ECT2L: variants seen among roughly 807,000 people sequenced by gnomAD.
The protein encoded by ECT2L is epithelial cell transforming 2 like, also known as epithelial cell-transforming sequence 2 oncogene-like.
In ECT2L, 126 loss-of-function variants were observed where a neutral mutation model predicts 122.8. The ratio of observed to expected loss-of-function variants is 1.03; its 90% CI spans 0.89 to 1.19. The LOEUF is 1.19. Ranked by LOEUF, ECT2L falls within the 50% of genes most tolerant of loss-of-function variation. The pLI is 0.00. For missense variants in ECT2L, 1,012 were observed against 1,064.1 expected (o/e 0.95, Z 0.68); for synonymous variants, 385 against 381.8 (o/e 1.01, Z -0.10).
intron 19 of ECT2L, among the ~76,000 whole-genome samples, chr6:138,888,313 T>C (rs994164934): frequency 4.1e-4 from 50 of 122,432 alleles, no homozygotes; most frequent in Admixed American, 5.3e-4. Flanking sequence ...CTTCTTTTTC[T>C]TTTCTTTTTT....
chr6:138,845,551 G>A (rs117863358), intron 7 of ECT2L, among the ~76,000 whole-genome samples: 195 of 152,166 alleles, frequency 1.3e-3, no homozygotes, highest in Non-Finnish European at 2.2e-3. Flanking sequence ...GCCAACTTTG[G>A]ATTCTTGAGA....
intron 10 of ECT2L, among the ~76,000 whole-genome samples, chr6:138,857,066 T>C (rs1184796953): frequency 6.6e-6 from 1 of 152,120 alleles, no homozygotes; most frequent in Non-Finnish European, 1.5e-5. Context: ...GGAAGAAGCA[T>C]CCCTCTCAAA....
chr6:138,825,380 G>C (rs951207129), intron 4 of ECT2L, among the ~76,000 whole-genome samples: 2 of 152,164 alleles, frequency 1.3e-5, no homozygotes, highest in Admixed American at 6.5e-5. Context: ...AGGAGTTCGA[G>C]ACCAGCCTGG....
At chr6:138,897,954 T>G (rs1779271449) in intron 20 of ECT2L, among the ~76,000 whole-genome samples, 1 of 152,224 alleles carries the variant, frequency 6.6e-6, no homozygotes. Flanking sequence ...CAAAGCACTC[T>G]GTTGGCATAT....
chr6:138,831,927 TA>T (rs1243430965), intron 4 of ECT2L, among the ~76,000 whole-genome samples: 9 of 152,220 alleles, frequency 5.9e-5, no homozygotes, highest in African/African-American at 2.2e-4. Flanking sequence ...AAGACATATA[TA>T]TGCATAGATA....
chr6:138,808,245 GT>G (rs1422291160), intron 1 of ECT2L, among the ~76,000 whole-genome samples: 1 of 151,958 alleles, frequency 6.6e-6, no homozygotes, highest in Non-Finnish European at 1.5e-5. Context: ...TTTTATTTTT[GT>G]TTTTGTTTTT....
chr6:138,801,776 AT>A (rs1199865865), intron 1 of ECT2L, among the ~76,000 whole-genome samples: 12 of 152,276 alleles, frequency 7.9e-5, no homozygotes, highest in African/African-American at 2.9e-4. Flanking sequence ...AAGAAAAAAA[AT>A]TCTCCAGTAA....
Position 138,901,090 on chromosome 6 carries a change from T to C in ECT2L, c.2557T>C (p.Leu853=). ...QFIASVALHR[L]LIENIPDSKY... is the part of the protein sequence containing the mutation. Reference sequence around the variant, plus strand: ...CATTGCATCAGTGGCCCTTCATCGGTTACTCATAGAAAATATTCCAGATTC... The same window carrying C: ...CATTGCATCAGTGGCCCTTCATCGGCTACTCATAGAAAATATTCCAGATTC... The change falls in exon 21 of 22, where the codon TTA becomes CTA. Residue 853 remains leucine, a synonymous_variant. Transcript: ENST00000541398. The C allele has an allele frequency of 3.7e-6, 6 of 1,614,126 alleles. No individual in the cohort carries two copies. Among genetic ancestry groups the C allele is most frequent in the Non-Finnish European group, 4.2e-6 (5 of 1,180,004 alleles).
At chr6:138,854,978 T>G (rs1257593277) in intron 10 of ECT2L, among the ~76,000 whole-genome samples, 1 of 152,182 alleles carries the variant, frequency 6.6e-6, no homozygotes, top group Non-Finnish European at 1.5e-5. Context: ...CATACTGTTT[T>G]TTTTTGTTGT....
intron 21 of ECT2L, 45 bp from the exon 22 acceptor site, chr6:138,902,455 T>C: frequency 1.3e-6 from 2 of 1,542,842 alleles, no homozygotes; most frequent in Non-Finnish European, 1.7e-6. Context: ...TCATTTTGAT[T>C]GTTATCTGCA....
chr6:138,837,979 C>A (rs920574599), intron 4 of ECT2L, among the ~76,000 whole-genome samples: 2 of 151,518 alleles, frequency 1.3e-5, no homozygotes, highest in African/African-American at 2.4e-5. Context: ...CGGCTCACTG[C>A]AACCTCAGTC....
intron 18 of ECT2L, 53 bp downstream of exon 18, chr6:138,885,883 G>T (rs1778805491): frequency 6.5e-7 from 1 of 1,545,796 alleles, no homozygotes; most frequent in African/African-American, 1.4e-5. Context: ...ATGCCTTTGT[G>T]GTACTCCCAC....
At chr6:138,902,436 CATT>C in intron 21 of ECT2L, 61 bp from the exon 22 acceptor site, 1 of 1,471,474 alleles carries the variant, frequency 6.8e-7, no homozygotes, top group African/African-American at 1.4e-5. Flanking sequence ...TGAGTATTAA[CATT>C]TTTTCTCATT....
chr6:138,902,373 C>T (rs539258065), intron 21 of ECT2L, 127 bp from the exon 22 acceptor site: 4 of 762,088 alleles, frequency 5.2e-6, no homozygotes, highest in Middle Eastern at 3.9e-4. Context: ...ATATTCTACA[C>T]TGAATATGTA....
chr6:138,892,694 C>G (rs919203310), intron 20 of ECT2L, among the ~76,000 whole-genome samples: 2 of 152,064 alleles, frequency 1.3e-5, no homozygotes, highest in African/African-American at 4.8e-5. Flanking sequence ...GGATTCACCA[C>G]ATTGGCTAGG....
At chr6:138,850,991 T>A (rs1317925862) in intron 9 of ECT2L, among the ~76,000 whole-genome samples, 2 of 39,412 alleles carry the variant, frequency 5.1e-5, no homozygotes, top group East Asian at 1.5e-3. Flanking sequence ...CGAAACTCCA[T>A]CTCAAAAAAA....
intron 1 of ECT2L, among the ~76,000 whole-genome samples, chr6:138,800,143 C>T (rs1775491982): frequency 6.6e-6 from 1 of 152,076 alleles, no homozygotes; most frequent in Admixed American, 6.6e-5. Flanking sequence ...GCATTTAGGC[C>T]CCTGCTTTTC....
intron 4 of ECT2L, among the ~76,000 whole-genome samples, chr6:138,817,058 C>A (rs1776093010): frequency 6.6e-6 from 1 of 152,230 alleles, no homozygotes; most frequent in Admixed American, 6.5e-5. Flanking sequence ...AGTATGTGGT[C>A]TTTTGTGACT....
At chr6:138,869,045 T>C (rs890664402) in intron 13 of ECT2L, among the ~76,000 whole-genome samples, 4 of 152,180 alleles carry the variant, frequency 2.6e-5, no homozygotes, top group African/African-American at 9.7e-5. Flanking sequence ...CGGGCACCTG[T>C]AATCCCAGCT....
Sources: allele counts gnomAD v4.1 joint callset (sites outside exome capture counted in the v4.1 genomes callset), GRCh38; gene constraint gnomAD v4.1.1; transcripts MANE v1.5; gene names NCBI Gene and HGNC (gene_info 2026-07-23, HGNC 2026-07-21).